Variants in FOCAD observed in about 807,000 individuals in gnomAD.
FOCAD encodes focadhesin.
FOCAD carries 198 observed loss-of-function variants against 225.6 expected under a neutral mutation model. The observed-to-expected ratio is 0.88, with a 90% CI of 0.78 to 0.99. The LOEUF is 0.99. Ranked by LOEUF, FOCAD falls within the 50% of genes least tolerant of loss-of-function variation. The probability of loss-of-function intolerance (pLI) is 0.00; values close to 1 mark genes in which losing one functional copy is unlikely to be tolerated. For synonymous variants in FOCAD, 897 were observed against 755.0 expected, an observed-to-expected ratio of 1.19 and a Z score of -3.08; for missense variants, 2,713 against 2,123.6, an observed-to-expected ratio of 1.28 and a Z score of -5.46.
intron 4 of FOCAD, among the ~76,000 whole-genome samples, chr9:20,731,588 C>A (rs778859728): frequency 6.6e-6 from 1 of 152,096 alleles, no homozygotes; most frequent in Non-Finnish European, 1.5e-5. Context: ...TGAGCTGTAT[C>A]CATCCATCCA....
At chr9:20,721,980 CTT>C (rs1251011325) in intron 4 of FOCAD, among the ~76,000 whole-genome samples, 1 of 31,908 alleles carries the variant, frequency 3.1e-5, no homozygotes, top group Non-Finnish European at 6.6e-5. Context: ...TTCTCCCCTC[CTT>C]CCCTCCCTCC....
chr9:20,890,273 C>T (rs1831499451), intron 21 of FOCAD, among the ~76,000 whole-genome samples: 2 of 151,160 alleles, frequency 1.3e-5, no homozygotes, highest in Admixed American at 6.6e-5. Flanking sequence ...GGAAAATATT[C>T]AGTGTTTCCC....
chr9:20,768,121 A>G (rs1460519921), intron 7 of FOCAD, among the ~76,000 whole-genome samples: 1 of 149,080 alleles, frequency 6.7e-6, no homozygotes, highest in Non-Finnish European at 1.5e-5. Context: ...GGTTTGTCAA[A>G]GATCAGATAG....
chr9:20,751,147 C>A (rs1465290425), intron 5 of FOCAD, among the ~76,000 whole-genome samples: 2 of 138,482 alleles, frequency 1.4e-5, no homozygotes, highest in Non-Finnish European at 3.1e-5. Flanking sequence ...CTCACCTCTC[C>A]ACTTCCATTT....
At chr9:20,913,782 T>C (rs1444403351) in intron 23 of FOCAD, among the ~76,000 whole-genome samples, 1 of 152,222 alleles carries the variant, frequency 6.6e-6, no homozygotes, top group Non-Finnish European at 1.5e-5. Flanking sequence ...TAGAGGGTTT[T>C]GTATCCTATT....
intron 15 of FOCAD, among the ~76,000 whole-genome samples, chr9:20,830,742 G>T (rs893447724): frequency 1.3e-5 from 2 of 151,968 alleles, no homozygotes; most frequent in Non-Finnish European, 2.9e-5. Context: ...CAGTGGTGTG[G>T]TCATGGTCCA....
chr9:20,883,583 A>G (rs570642521), intron 20 of FOCAD, among the ~76,000 whole-genome samples: 1 of 152,368 alleles, frequency 6.6e-6, no homozygotes, highest in African/African-American at 2.4e-5. Context: ...CTAGAAATAA[A>G]TAACAAAAAT....
intron 20 of FOCAD, among the ~76,000 whole-genome samples, chr9:20,883,719 C>G (rs971400954): frequency 2.6e-5 from 4 of 152,116 alleles, no homozygotes; most frequent in African/African-American, 4.8e-5. Context: ...TGAAGATAAG[C>G]CATATAACAA....
At chr9:20,682,780 T>A (rs775583911), upstream of FOCAD, among the ~76,000 whole-genome samples, 10 of 152,168 alleles carry the variant, frequency 6.6e-5, no homozygotes, top group Non-Finnish European at 1.0e-4. Context: ...ATTGATTGAT[T>A]GAATGATTGA....
At chr9:20,791,693 A>G (rs1277699091) in intron 11 of FOCAD, among the ~76,000 whole-genome samples, 1 of 152,194 alleles carries the variant, frequency 6.6e-6, no homozygotes, top group African/African-American at 2.4e-5. Context: ...TCATGTGTTT[A>G]CATTGGACTA....
intron 24 of FOCAD, among the ~76,000 whole-genome samples, chr9:20,922,629 A>C (rs896884773): frequency 6.6e-6 from 1 of 152,192 alleles, no homozygotes; most frequent in Non-Finnish European, 1.5e-5. Flanking sequence ...CTTATCCCTC[A>C]TATCTGTTAT....
chr9:20,758,086 T>A lies in FOCAD; in HGVS notation c.393-4T>A. ...GTTCCCATGTGACTTTCTGTGTCTT[T>A]CAGAAATCATCCTCATCCTTTGATA... On this transcript the variant is annotated splice_polypyrimidine_tract_variant and splice_region_variant and intron_variant, in intron 5 of 43. Coordinates refer to ENST00000338382, the MANE Select transcript of FOCAD (RefSeq NM_001375567.1). 5.0e-6 allele frequency: 8 copies of A among 1,595,696 alleles called. No homozygotes were observed. The highest frequency in any genetic ancestry group is 6.8e-6 in the Non-Finnish European group (8 of 1,172,066).
At position 20,819,855 on chromosome 9, in the gene FOCAD, A is replaced by G; in HGVS notation, c.1515A>G (p.Leu505=). 3.2e-6 allele frequency: 5 copies of G among 1,549,920 alleles called. No individual in the cohort carries two copies. Among genetic ancestry groups the G allele is most frequent in the Non-Finnish European group, 4.3e-6 (5 of 1,150,796 alleles). Residue 505 remains leucine (L), a synonymous_variant, in exon 12 of 44, where the codon TTA becomes TTG. Transcript: ENST00000338382. ...TGGGAAGACCACTGGAACCTATATTATATAATGATATATTGTATACTTTAC... is the reference window on the plus strand; with the variant it reads ...TGGGAAGACCACTGGAACCTATATTGTATAATGATATATTGTATACTTTAC... ...FKLGRPLEPI[L]YNDILYTLPK...
chr9:20,801,258 A>G (rs1420147200), intron 11 of FOCAD, among the ~76,000 whole-genome samples: 2 of 152,174 alleles, frequency 1.3e-5, no homozygotes, highest in Admixed American at 6.5e-5. Context: ...TACATGGGAT[A>G]AAGAGGGGGT....
intron 11 of FOCAD, among the ~76,000 whole-genome samples, chr9:20,807,271 C>T (rs1221795119): frequency 1.1e-4 from 17 of 152,218 alleles, no homozygotes; most frequent in Admixed American, 6.5e-4. Flanking sequence ...CCCTCTGGGG[C>T]TATCATCATA....
At chr9:20,946,089 ATT>A in intron 29 of FOCAD, among the ~76,000 whole-genome samples, 1 of 64,144 alleles carries the variant, frequency 1.6e-5, no homozygotes, top group East Asian at 6.2e-4. Flanking sequence ...TTATTCATTC[ATT>A]CATTCATTCA....
In FOCAD at chr9:20,870,067, C is replaced by T. The variant is rs2131751300; in HGVS notation, c.2190+3055C>T. The stretch of plus-strand genomic sequence containing the variant: ...GGAGAAGTTTCCTTGTTAAAAGAAT[C>T]AGTAATGGATAAACATTTAGGTAGA... On this transcript the variant is annotated intron_variant, in intron 18 of 43. Coordinates refer to ENST00000338382, the MANE Select transcript of FOCAD (RefSeq NM_001375567.1). Among the ~76,000 whole-genome samples, 2 of 152,222 alleles carry T rather than the reference C, an allele frequency of 1.3e-5. 1 individual carries two copies. Among genetic ancestry groups the T allele is most frequent in the South Asian group, 4.1e-4 (2 of 4,822 alleles).
At chr9:20,769,314 T>A (rs1366850877) in intron 7 of FOCAD, among the ~76,000 whole-genome samples, 2 of 152,234 alleles carry the variant, frequency 1.3e-5, no homozygotes, top group East Asian at 3.8e-4. Flanking sequence ...TTGATGAATT[T>A]AGCAGACATA....
chr9:20,894,924 C>T (rs1463652131), intron 21 of FOCAD, among the ~76,000 whole-genome samples: 2 of 151,968 alleles, frequency 1.3e-5, no homozygotes, highest in Non-Finnish European at 2.9e-5. Context: ...AGATATTATC[C>T]TGTGTTATCT....
Sources: allele counts gnomAD v4.1 joint callset (sites outside exome capture counted in the v4.1 genomes callset), GRCh38; gene constraint gnomAD v4.1.1; transcripts MANE v1.5; gene names NCBI Gene and HGNC (gene_info 2026-07-23, HGNC 2026-07-21).